Variants in CHD4 observed in about 807,000 individuals in gnomAD.
CHD4 encodes the protein chromodomain helicase DNA binding protein 4, also known as ATP-dependent chromatin remodeler CHD4.
In CHD4, 35 loss-of-function variants were observed where a neutral mutation model predicts 235.5. The ratio of observed to expected loss-of-function variants is 0.15; its 90% CI spans 0.11 to 0.20. CHD4 has a LOEUF of 0.20. CHD4 is among the 10% of genes least tolerant of loss of function. The probability of loss-of-function intolerance (pLI) is 1.00; values close to 1 mark genes in which losing one functional copy is unlikely to be tolerated. For synonymous variants in CHD4, 900 were observed against 850.2 expected (o/e 1.06, Z -1.02); for missense variants, 1,329 against 2,432.3 (o/e 0.55, Z 9.54).
intron 2 of CHD4, among the ~76,000 whole-genome samples, chr12:6,604,393 G>C (rs768036240): frequency 6.6e-5 from 10 of 152,154 alleles, no homozygotes; most frequent in Non-Finnish European, 1.3e-4. Context: ...ACAGATACTA[G>C]GGAATGAGAC....
At chr12:6,596,601 A>C (rs1592277614) in intron 12 of CHD4, among the ~76,000 whole-genome samples, 1 of 151,514 alleles carries the variant, frequency 6.6e-6, no homozygotes, top group Non-Finnish European at 1.5e-5. Context: ...GGAGTTCAAG[A>C]CCAGTCTGGC....
At chr12:6,584,594 A>G (rs1948249292) in intron 25 of CHD4, 2 of 152,166 alleles carry the variant, frequency 1.3e-5, no homozygotes, top group African/African-American at 4.8e-5. Flanking sequence ...ATGTTGCCCA[A>G]GTTGGTCTCC....
Position 6,594,656 on chromosome 12 carries a change from G to T in CHD4, c.2122-6C>A. The T allele has an allele frequency of 6.2e-7, 1 of 1,610,568 alleles. No homozygotes were observed. The highest frequency in any genetic ancestry group is 1.3e-5 in the African/African-American group (1 of 74,916). Reference sequence around the variant, plus strand: ...CGCTCATACTTCACTGTTGGCTGAAGGATGAAACAGAGAAGTCAAGAGCTG... The same window carrying T: ...CGCTCATACTTCACTGTTGGCTGAATGATGAAACAGAGAAGTCAAGAGCTG... On this transcript the variant is annotated splice_region_variant and splice_polypyrimidine_tract_variant and intron_variant, in intron 14 of 39. Transcript: ENST00000544040.
Position 6,583,740 on chromosome 12 carries a change from G to A in CHD4, c.3880-362C>T, listed in dbSNP as rs189241423. The A allele has an allele frequency of 4.8e-5, 9 of 186,184 alleles. No individual in the cohort carries two copies. In the East Asian group the frequency reaches 9.4e-4, roughly 19 times the overall value. 11.5% of individuals were successfully genotyped at this position (186,184 alleles called of 1,614,324 possible). On this transcript the variant is annotated intron_variant, in intron 25 of 39. Transcript: ENST00000544040. ...AGCAAGGCAGAATGGAGAAACTTCT[G>A]AAGTACTGTAAAAGATTTTCATAAG...
chr12:6,587,531 G>A lies in CHD4; in HGVS notation c.3732C>T (p.Ser1244=), dbSNP rs1948321216. The A allele has an allele frequency of 1.2e-6, 2 of 1,614,124 alleles. No homozygotes were observed. Among genetic ancestry groups the A allele is most frequent in the Non-Finnish European group, 1.7e-6 (2 of 1,180,022 alleles). ...GGGDNKEGED[S]SVIHYDDKAI... ...CCTTATCATCGTAGTGGATAACACT[G>A]CTATCTTCTCCCTCTTTGTTGTCTC... is the stretch of plus-strand genomic sequence containing the variant. Residue 1244 remains serine, a synonymous_variant, in exon 25 of 40, where the codon AGC becomes AGT. Transcript: ENST00000544040.
At chr12:6,577,377 G>A (rs1948088690) in intron 37 of CHD4, among the ~76,000 whole-genome samples, 1 of 142,336 alleles carries the variant, frequency 7.0e-6, no homozygotes, top group African/African-American at 2.6e-5. Context: ...AGCAGAGGCT[G>A]CATCACTGCA....
chr12:6,598,322 G>A lies in CHD4; in HGVS notation c.1586C>T (p.Thr529Met), dbSNP rs567879649. 3.2e-5 allele frequency: 51 copies of A among 1,614,152 alleles called. No individual in the cohort carries two copies. The highest frequency in any genetic ancestry group is 3.7e-5 in the Non-Finnish European group (44 of 1,179,998). ...VPRPPDADPN[T>M]PSPKPLEGRP... is the part of the protein sequence containing the mutation. ...CCCCTCCAAGGGCTTTGGGGAGGGC[G>A]TGTTGGGATCAGCATCTGGAGGCCG... Residue 529 changes from threonine to methionine, a missense_variant, in exon 11 of 40, where the codon ACG becomes ATG. Physicochemically the swap from Thr to Met is moderately conservative, Grantham distance 81. This residue lies in a region of CHD4 where 45 missense variants were observed against 47.5 expected (regional missense o/e 0.95). Coordinates refer to ENST00000544040, the MANE Select transcript of CHD4 (RefSeq NM_001273.5).
intron 2 of CHD4, chr12:6,603,258 A>G (rs1378563344): frequency 6.6e-6 from 1 of 152,466 alleles, no homozygotes; most frequent in Non-Finnish European, 1.5e-5. Flanking sequence ...AGCCTGGGTA[A>G]GACTGAAAGC....
chr12:6,573,394 A>G, intron 37 of CHD4, 125 bp from the exon 38 acceptor site: 2 of 721,360 alleles, frequency 2.8e-6, no homozygotes, highest in East Asian at 6.8e-5. Context: ...AACTTCATGG[A>G]CAGCTCATTC....
At position 6,581,024 on chromosome 12, in the gene CHD4, A is replaced by C. The variant is rs55670476; in HGVS notation, c.4909+20T>G. ...GTCTCAAAACAAACAAACAAACAAA[A>C]AAAATGTGGATACCTTTACCTTTGG... On this transcript the variant is annotated intron_variant, in intron 33 of 39. Coordinates refer to ENST00000544040, the MANE Select transcript of CHD4 (RefSeq NM_001273.5). 253,843 of 1,610,714 alleles carry C rather than the reference A, an allele frequency of 0.16. 20,739 individuals carry two copies. The highest frequency in any genetic ancestry group is 0.2 in the African/African-American group (15,260 of 74,508).
At chr12:6,574,702 A>G (rs1158825180) in intron 37 of CHD4, among the ~76,000 whole-genome samples, 2 of 152,188 alleles carry the variant, frequency 1.3e-5, no homozygotes, top group Non-Finnish European at 2.9e-5. Flanking sequence ...TTTGTGAGAA[A>G]TACCAAAAGA....
chr12:6,578,245 TTCATA>T, intron 35 of CHD4, 108 bp from the exon 36 acceptor site: 1 of 1,329,248 alleles, frequency 7.5e-7, no homozygotes. Context: ...CTGGATCCAT[TTCATA>T]TAATTTGCTT....
rs548831684 is a variant in CHD4, at chr12:6,590,425, G to A, written c.3340+1041C>T. On this transcript the variant is annotated intron_variant, in intron 22 of 39. Transcript: ENST00000544040. Reference sequence around the variant, plus strand: ...CTGCAGTTACGTAAGTTATTATTAAGAGAAGCTAGCTAGTTGAACAGTATA... The same window carrying A: ...CTGCAGTTACGTAAGTTATTATTAAAAGAAGCTAGCTAGTTGAACAGTATA... 1.1e-4 allele frequency among the ~76,000 whole-genome samples: 17 copies of A among 152,268 alleles called. No individual in the cohort carries two copies. The South Asian group carries it at 3.1e-3, about 28-fold the overall frequency.
chr12:6,575,343 G>A (rs1275983638), intron 37 of CHD4, among the ~76,000 whole-genome samples: 1 of 151,702 alleles, frequency 6.6e-6, no homozygotes, highest in Non-Finnish European at 1.5e-5. Flanking sequence ...ACCTACTTAG[G>A]AGGCTGAGGC....
chr12:6,592,749 G>A lies in CHD4; in HGVS notation c.2721C>T (p.Asn907=), dbSNP rs1948422412. The change falls in exon 18 of 40, where the codon AAC becomes AAT. Residue 907 remains asparagine (N), a synonymous_variant. Coordinates refer to ENST00000544040, the MANE Select transcript of CHD4 (RefSeq NM_001273.5). ...KLLLTGTPLQ[N]NLEELFHLLN... is the part of the protein sequence containing the mutation. ...GCAGATGAAACAACTCTTCCAGATTGTTTTGTAATGGTGTCCCAGTCAGCA... is the reference window on the plus strand; with the variant it reads ...GCAGATGAAACAACTCTTCCAGATTATTTTGTAATGGTGTCCCAGTCAGCA... 5.6e-6 allele frequency: 9 copies of A among 1,614,086 alleles called. No homozygotes were observed. In the East Asian group the frequency reaches 2.0e-4, roughly 36 times the overall value.
chr12:6,592,632 A>C, intron 18 of CHD4, 64 bp downstream of exon 18: 1 of 1,588,226 alleles, frequency 6.3e-7, no homozygotes, highest in African/African-American at 1.4e-5. Flanking sequence ...GTGATACAGG[A>C]AATGGGCAAC....
rs1437046635 is a variant in CHD4, at chr12:6,599,990, T to C, written c.1265A>G (p.Glu422Gly). The change falls in exon 10 of 40, where the codon GAA becomes GGA. Residue 422 changes from glutamate to glycine, a missense_variant. Around this residue, in one of 26 missense-constraint regions of CHD4, gnomAD observed 37 missense variants for 49.9 expected, o/e 0.74. Coordinates refer to ENST00000544040, the MANE Select transcript of CHD4 (RefSeq NM_001273.5). ...ACCCTCCGAATTGTCCTCTTTAGCT[T>C]CCCACTGGATGCCTTCCTTCTCCTG... ...PHCEKEGIQWEAKEDNSEGEE... is the reference protein window; with the variant it reads ...PHCEKEGIQWGAKEDNSEGEE... 7.4e-6 allele frequency: 12 copies of C among 1,614,112 alleles called. No homozygotes were observed. Among genetic ancestry groups the C allele is most frequent in the Non-Finnish European group, 1.0e-5 (12 of 1,180,006 alleles).
chr12:6,572,917 C>CT, intron 38 of CHD4, 157 bp downstream of exon 38: 1 of 677,994 alleles, frequency 1.5e-6, no homozygotes, highest in Non-Finnish European at 2.4e-6. Context: ...TTGATTGCCT[C>CT]TAAGATACTA....
In CHD4 at chr12:6,578,867, G is replaced by C. The variant is rs754279009; in HGVS notation, c.4960C>G (p.Pro1654Ala). ...VEEKSAIDLTPIVVEDKEEKK... is the reference protein window; with the variant it reads ...VEEKSAIDLTAIVVEDKEEKK... ...CCACCTTTGTCTTCTACCACAATAG[G>C]GGTCAGATCTATTGCTGACTTTTCC... Residue 1654 changes from proline (P) to alanine (A), a missense_variant, in exon 34 of 40, where the codon CCT becomes GCT. Physicochemically the swap from Pro to Ala is conservative, Grantham distance 27 (BLOSUM62 -1). This residue lies in a region of CHD4 where 219 missense variants were observed against 219.3 expected (regional missense o/e 1.00). Coordinates refer to ENST00000544040, the MANE Select transcript of CHD4 (RefSeq NM_001273.5). 1 of 1,614,118 alleles carries C rather than the reference G, an allele frequency of 6.2e-7. No individual in the cohort carries two copies. Among genetic ancestry groups the C allele is most frequent in the Non-Finnish European group, 8.5e-7 (1 of 1,180,012 alleles).
Sources: allele counts gnomAD v4.1 joint callset (sites outside exome capture counted in the v4.1 genomes callset), GRCh38; gene constraint gnomAD v4.1.1; regional missense constraint gnomAD v4.1.1; transcripts MANE v1.5; gene names NCBI Gene and HGNC (gene_info 2026-07-23, HGNC 2026-07-21).